Variants in L3MBTL4 observed in about 807,000 individuals in gnomAD.
The protein encoded by L3MBTL4 is lethal(3)malignant brain tumor-like protein 4.
A neutral mutation model predicts 84.5 loss-of-function variants in L3MBTL4; 70 were observed. The ratio of observed to expected loss-of-function variants is 0.83; its 90% CI spans 0.68 to 1.01. L3MBTL4 has a LOEUF of 1.01. Among genes scored for constraint, L3MBTL4 ranks in the 50% least tolerant of loss-of-function variants. L3MBTL4 has a pLI of 0.00. For missense variants in L3MBTL4, 715 were observed against 754.8 expected (o/e 0.95, Z 0.62); for synonymous variants, 274 against 259.8 (o/e 1.05, Z -0.52).
intron 17 of L3MBTL4, among the ~76,000 whole-genome samples, chr18:5,964,634 A>T (rs2052247644): frequency 6.6e-6 from 1 of 152,146 alleles, no homozygotes; most frequent in South Asian, 2.1e-4. Flanking sequence ...TTTCAAAGTT[A>T]ATGAACATTT....
intron 14 of L3MBTL4, among the ~76,000 whole-genome samples, chr18:6,132,422 G>C (rs751016657): frequency 1.6e-4 from 25 of 152,074 alleles, no homozygotes; most frequent in Non-Finnish European, 2.9e-4. Flanking sequence ...CTAATAATGA[G>C]GTCTGGAACT....
At chr18:5,960,033 T>C (rs2095254893) in intron 18 of L3MBTL4, 61 bp downstream of exon 18, 1 of 300,800 alleles carries the variant, frequency 3.3e-6, no homozygotes, top group Admixed American at 6.7e-5. Context: ...TACATATATA[T>C]ATATACACAC....
rs973031119 is a variant in L3MBTL4, at chr18:5,998,076, C to T, written c.1445-28514G>A. 1.1e-4 allele frequency among the ~76,000 whole-genome samples: 16 copies of T among 152,272 alleles called. 1 individual carries two copies. Among genetic ancestry groups the T allele is most frequent in the Admixed American group, 5.9e-4 (9 of 15,294 alleles). On this transcript the variant is annotated intron_variant, in intron 16 of 18. Coordinates refer to ENST00000317931, the MANE Select transcript of L3MBTL4 (RefSeq NM_001330559.2). ...AACCATAGATACAAAACAGCAGCAG[C>T]GTGGTTTTTCATGGTGCTTCCTCCC...
chr18:6,275,863 C>T (rs2049058457), intron 4 of L3MBTL4, among the ~76,000 whole-genome samples: 1 of 152,124 alleles, frequency 6.6e-6, no homozygotes, highest in Non-Finnish European at 1.5e-5. Flanking sequence ...ACTCAGGACC[C>T]CACAATCACT....
intron 4 of L3MBTL4, among the ~76,000 whole-genome samples, chr18:6,287,228 T>C (rs987823394): frequency 6.6e-6 from 1 of 152,178 alleles, no homozygotes; most frequent in Non-Finnish European, 1.5e-5. Context: ...TTAAACATTA[T>C]AGGGATCATT....
chr18:6,349,984 T>C (rs1471878058), intron 1 of L3MBTL4, among the ~76,000 whole-genome samples: 1 of 152,226 alleles, frequency 6.6e-6, no homozygotes, highest in Non-Finnish European at 1.5e-5. Context: ...CATTTGTGTA[T>C]GTCATAGTTT....
intron 4 of L3MBTL4, among the ~76,000 whole-genome samples, chr18:6,282,061 G>A (rs559884567): frequency 3.3e-5 from 5 of 152,256 alleles, no homozygotes; most frequent in South Asian, 2.1e-4. Context: ...ATGGGATAGC[G>A]TCCAACCAGC....
Position 6,215,024 on chromosome 18 carries a change from A to C in L3MBTL4, c.870+726T>G, listed in dbSNP as rs140548245. Among the ~76,000 whole-genome samples, 385 of 152,292 alleles carry C rather than the reference A, an allele frequency of 2.5e-3. 4 individuals carry two copies. In the South Asian group the frequency reaches 0.031, roughly 12 times the overall value. On this transcript the variant is annotated intron_variant, in intron 11 of 18. Coordinates refer to ENST00000317931, the MANE Select transcript of L3MBTL4 (RefSeq NM_001330559.2). ...TTATAATCAATTTTTTCAAAAAATG[A>C]AATATCATTTTGTTTCAAGCCGCTC...
intron 14 of L3MBTL4, among the ~76,000 whole-genome samples, chr18:6,101,555 G>T (rs2058829280): frequency 6.6e-6 from 1 of 152,140 alleles, no homozygotes; most frequent in Non-Finnish European, 1.5e-5. Flanking sequence ...GGTAACAAAA[G>T]AGGCTTTCAG....
chr18:5,972,053 G>A (rs1029585843), intron 16 of L3MBTL4, among the ~76,000 whole-genome samples: 1 of 152,190 alleles, frequency 6.6e-6, no homozygotes, highest in Non-Finnish European at 1.5e-5. Flanking sequence ...GGAATAGGCT[G>A]TATATGCCAA....
chr18:6,082,310 ATT>A (rs2058105534), intron 15 of L3MBTL4: 3 of 152,110 alleles, frequency 2.0e-5, no homozygotes, highest in Admixed American at 2.0e-4. Flanking sequence ...ATTTGTTTAC[ATT>A]CTTTTTTTTT....
At chr18:6,411,742 A>G (rs1448516207) in intron 1 of L3MBTL4, among the ~76,000 whole-genome samples, 1 of 152,054 alleles carries the variant, frequency 6.6e-6, no homozygotes, top group Non-Finnish European at 1.5e-5. Context: ...GATCACCCCC[A>G]TAGTCGCTGA....
rs1350412846 is a variant in L3MBTL4, at chr18:6,080,991, T to G, written c.1374-40A>C. 8.9e-6 allele frequency: 13 copies of G among 1,465,060 alleles called. 1 individual carries two copies. The highest frequency in any genetic ancestry group is 1.2e-5 in the Non-Finnish European group (13 of 1,062,814). The allele number at this position is 1,465,060 out of a possible 1,614,324, so 90.8% of individuals were successfully genotyped here. A position where few individuals can be genotyped will look rare whatever the true frequency, so the allele number is the denominator to read the frequency against. ...GAAATAAAATCTAGATTCATTATCCTGTGAGGTAGGAAGAAATCATGATAG... is the reference window on the plus strand; with the variant it reads ...GAAATAAAATCTAGATTCATTATCCGGTGAGGTAGGAAGAAATCATGATAG... On this transcript the variant is annotated intron_variant, in intron 15 of 18. Coordinates refer to ENST00000317931, the MANE Select transcript of L3MBTL4 (RefSeq NM_001330559.2).
rs796476319 is a variant in L3MBTL4 at position 6,029,557 on chromosome 18, T to C, written c.1444+51324A>G. ...ATCAAGGAAGAAATACGTCCATTTATTGCAGCAACAAAAACGATAAACTGC... is the reference window on the plus strand; with the variant it reads ...ATCAAGGAAGAAATACGTCCATTTACTGCAGCAACAAAAACGATAAACTGC... On this transcript the variant is annotated intron_variant, in intron 16 of 18. Transcript: ENST00000317931. The C allele has an allele frequency of 1.4e-5, 14 of 985,398 alleles. No homozygotes were observed. In the African/African-American group the frequency reaches 1.9e-4, roughly 13 times the overall value. 61.0% of individuals were successfully genotyped at this position (985,398 alleles called of 1,614,324 possible).
intron 1 of L3MBTL4, among the ~76,000 whole-genome samples, chr18:6,370,217 T>C (rs2054104038): frequency 6.6e-6 from 1 of 152,034 alleles, no homozygotes; most frequent in South Asian, 2.1e-4. Flanking sequence ...GTGAGATTTT[T>C]ATCCGGTCGG....
At chr18:6,305,850 T>C (rs1011380331) in intron 3 of L3MBTL4, among the ~76,000 whole-genome samples, 7 of 152,216 alleles carry the variant, frequency 4.6e-5, no homozygotes, top group African/African-American at 1.7e-4. Flanking sequence ...TTAATTAGTG[T>C]CTACGTTTCT....
chr18:6,285,193 C>T (rs557189695), intron 4 of L3MBTL4, among the ~76,000 whole-genome samples: 4 of 152,186 alleles, frequency 2.6e-5, no homozygotes, highest in Non-Finnish European at 5.9e-5. Context: ...GGGAGGCAGC[C>T]GGATGGTGGA....
At chr18:6,243,561 C>T in intron 6 of L3MBTL4, 132 bp from the exon 7 acceptor site, 1 of 638,574 alleles carries the variant, frequency 1.6e-6, no homozygotes, top group Admixed American at 4.0e-5. Context: ...CCAAATGTTT[C>T]CATTAAAGAA....
At chr18:6,327,580 C>T (rs2051794705) in intron 1 of L3MBTL4, among the ~76,000 whole-genome samples, 1 of 151,990 alleles carries the variant, frequency 6.6e-6, no homozygotes, top group African/African-American at 2.4e-5. Context: ...TAAAATGTAA[C>T]AACACTGCTG....
Sources: gnomAD v4.1 joint callset for allele counts (sites outside exome capture counted in the v4.1 genomes callset) on GRCh38, gnomAD v4.1.1 for gene constraint, MANE v1.5 for transcripts, NCBI Gene and HGNC (gene_info 2026-07-23, HGNC 2026-07-21) for gene names.